The following RAB9B variants were observed in gnomAD, a reference collection of about 807,000 sequenced individuals.
The protein encoded by RAB9B is ras-related protein Rab-9B.
Under a neutral mutation model 8.9 loss-of-function variants are expected in RAB9B, and 1 was observed. The observed-to-expected ratio is 0.11, with a 90% confidence interval of 0.04 to 0.53. The LOEUF is 0.53. RAB9B is among the 20% of genes least tolerant of loss of function. The probability of loss-of-function intolerance (pLI) is 0.93; values close to 1 mark genes in which losing one functional copy is unlikely to be tolerated. For missense variants in RAB9B, 82 were observed against 152.9 expected, an observed-to-expected ratio of 0.54 and a Z score of 2.45; for synonymous variants, 63 against 57.0, an observed-to-expected ratio of 1.10 and a Z score of -0.47.
chrX:103,827,497 C>G (rs1190037871), intron 1 of RAB9B, among the ~76,000 whole-genome samples: 1 of 111,283 alleles, frequency 9.0e-6, no homozygotes, highest in African/African-American at 3.3e-5. Flanking sequence ...TTCCCATCTC[C>G]AAGAAAGTTG....
chrX:103,827,750 T>A (rs887026956), intron 1 of RAB9B, among the ~76,000 whole-genome samples: 2 of 111,865 alleles, frequency 1.8e-5, no homozygotes. Context: ...CACTGCAGCC[T>A]CGACCTCCTG....
intron 1 of RAB9B, among the ~76,000 whole-genome samples, chrX:103,830,765 G>A (rs1602404193): frequency 8.9e-6 from 1 of 111,743 alleles, no homozygotes; most frequent in East Asian, 2.8e-4. Flanking sequence ...ATTTAGTTGG[G>A]AATGCTTAGA....
At position 103,825,132 on chromosome X, in the gene RAB9B, C is replaced by G. The variant is rs1489649992; in HGVS notation, c.*47G>C. On this transcript the variant is annotated 3_prime_UTR_variant, in exon 3 of 3. Coordinates refer to ENST00000243298, the MANE Select transcript of RAB9B (RefSeq NM_016370.4). ...TTAGAGGGGCACAGTTATTCTTACA[C>G]TACTGACTGATCAATTTGGGGCACA... The G allele has an allele frequency of 8.5e-7, 1 of 1,172,815 alleles. No homozygotes were observed. The highest frequency in any genetic ancestry group is 2.3e-5 in the Admixed American group (1 of 43,228).
downstream of RAB9B, among the ~76,000 whole-genome samples, chrX:103,821,579 A>G (rs892996490): frequency 1.2e-4 from 13 of 111,867 alleles, no homozygotes; most frequent in African/African-American, 4.2e-4. Flanking sequence ...TTAAAATCCA[A>G]TATGTGAGAG....
the RAB9B span, among the ~76,000 whole-genome samples, chrX:103,794,262 C>G: frequency 9.0e-6 from 1 of 111,604 alleles, no homozygotes; most frequent in African/African-American, 3.3e-5. Context: ...AGGGCCTTGA[C>G]TTCACGTGGC....
At chrX:103,817,777 A>G (rs2074645383), downstream of RAB9B, among the ~76,000 whole-genome samples, 2 of 111,148 alleles carry the variant, frequency 1.8e-5, no homozygotes, top group Admixed American at 1.9e-4. Context: ...AATTCAAACC[A>G]GTCATTTGAC....
chrX:103,804,869 G>A, the RAB9B span, among the ~76,000 whole-genome samples: 1 of 111,021 alleles, frequency 9.0e-6, no homozygotes, highest in Non-Finnish European at 1.9e-5. Context: ...CTTGTGTCCC[G>A]CTGAACTCAT....
the RAB9B span, among the ~76,000 whole-genome samples, chrX:103,796,635 T>C: frequency 9.1e-6 from 1 of 109,949 alleles, no homozygotes; most frequent in African/African-American, 3.3e-5. Context: ...GCAACTATTA[T>C]CCTTCAGTTC....
intron 1 of RAB9B, among the ~76,000 whole-genome samples, chrX:103,831,056 G>C (rs2074701582): frequency 9.0e-6 from 1 of 111,135 alleles, no homozygotes; most frequent in Non-Finnish European, 1.9e-5. Flanking sequence ...TCTGTACAGG[G>C]GAGGAGCCAT....
At chrX:103,785,266 G>T in the RAB9B span, among the ~76,000 whole-genome samples, 1 of 111,427 alleles carries the variant, frequency 9.0e-6, no homozygotes, top group Non-Finnish European at 1.9e-5. Context: ...TAGTAGAGAC[G>T]GGGTTTTGCC....
the RAB9B span, chrX:103,786,123 C>A: frequency 1.3e-5 from 14 of 1,089,636 alleles, no homozygotes; most frequent in Middle Eastern, 2.5e-4. Context: ...ACAAGTTAGG[C>A]TCCTGTTCCT....
the RAB9B span, among the ~76,000 whole-genome samples, chrX:103,798,834 G>T: frequency 4.6e-5 from 5 of 107,910 alleles, no homozygotes; most frequent in Admixed American, 1.0e-4. Flanking sequence ...TAGAGACGGG[G>T]TTTCACCATG....
the RAB9B span, chrX:103,789,519 G>A: frequency 1.0e-4 from 62 of 596,093 alleles, no homozygotes; most frequent in Admixed American, 1.6e-4. Context: ...GAAGCTTCTG[G>A]GAAGATAGCA....
downstream of RAB9B, among the ~76,000 whole-genome samples, chrX:103,820,305 C>T (rs1428611080): frequency 9.0e-6 from 1 of 111,704 alleles, no homozygotes; most frequent in Non-Finnish European, 1.9e-5. Flanking sequence ...TACATTTCCA[C>T]AGCAAAGAGA....
the RAB9B span, chrX:103,788,918 A>T: frequency 2.9e-5 from 8 of 274,232 alleles, no homozygotes; most frequent in Admixed American, 4.7e-4. Context: ...AATGAGAGGT[A>T]AAATAAGTAC....
chrX:103,822,728 T>A lies in RAB9B; in HGVS notation c.*2451A>T. The A allele has an allele frequency of 8.9e-6, 1 of 111,973 alleles. No homozygotes were observed. Among genetic ancestry groups the A allele is most frequent in the East Asian group, 2.8e-4 (1 of 3,582 alleles). 9.2% of individuals were successfully genotyped at this position (111,973 alleles called of 1,213,427 possible). On this transcript the variant is annotated 3_prime_UTR_variant, in exon 3 of 3. Coordinates refer to ENST00000243298, the MANE Select transcript of RAB9B (RefSeq NM_016370.4). ...AGGGTACACAGTCAATTTCTAAACCTATATGCACAGTTCTTGGTACTCACA... is the reference window on the plus strand; with the variant it reads ...AGGGTACACAGTCAATTTCTAAACCAATATGCACAGTTCTTGGTACTCACA...
chrX:103,811,389 A>G, the RAB9B span, among the ~76,000 whole-genome samples: 1 of 112,102 alleles, frequency 8.9e-6, no homozygotes, highest in Non-Finnish European at 1.9e-5. Context: ...CTTATTCTCC[A>G]TACCATAAAA....
chrX:103,803,524 GC>G, the RAB9B span, among the ~76,000 whole-genome samples: 1 of 112,260 alleles, frequency 8.9e-6, no homozygotes, highest in African/African-American at 3.2e-5. Flanking sequence ...GAGATATTTT[GC>G]CAATTTTAAA....
chrX:103,831,596 G>C (rs755549262), intron 1 of RAB9B, among the ~76,000 whole-genome samples: 14 of 104,266 alleles, frequency 1.3e-4, no homozygotes, highest in Non-Finnish European at 2.6e-4. Context: ...ATAAGGTTTG[G>C]ATGACATCAA....
Sources: allele counts gnomAD v4.1 joint callset (sites outside exome capture counted in the v4.1 genomes callset), GRCh38; gene constraint gnomAD v4.1.1; transcripts MANE v1.5; gene names NCBI Gene and HGNC (gene_info 2026-07-23, HGNC 2026-07-21).